The following IQGAP2 variants were observed in gnomAD, a reference collection of about 807,000 sequenced individuals.
The protein encoded by IQGAP2 is ras GTPase-activating-like protein IQGAP2.
A neutral mutation model predicts 201.3 loss-of-function variants in IQGAP2; 173 were observed. The ratio of observed to expected loss-of-function variants is 0.86; its 90% CI spans 0.76 to 0.98. The LOEUF (loss-of-function observed/expected upper bound fraction) is 0.98, where lower values mean the gene tolerates loss of function less well. Among genes scored for constraint, IQGAP2 ranks in the 50% least tolerant of loss-of-function variants. The probability of loss-of-function intolerance (pLI) is 0.00; values close to 1 mark genes in which losing one functional copy is unlikely to be tolerated. For synonymous variants in IQGAP2, 675 were observed against 673.9 expected, an observed-to-expected ratio of 1.00 and a Z score of -0.03; for missense variants, 1,687 against 1,864.8, an observed-to-expected ratio of 0.90 and a Z score of 1.76.
chr5:76,515,430 G>A (rs1355535536), intron 2 of IQGAP2, among the ~76,000 whole-genome samples: 2 of 152,180 alleles, frequency 1.3e-5, no homozygotes, highest in Non-Finnish European at 2.9e-5. Flanking sequence ...AAAATGAGTT[G>A]CATATATCCA....
intron 2 of IQGAP2, among the ~76,000 whole-genome samples, chr5:76,499,084 T>A (rs1242731724): frequency 3.3e-5 from 5 of 152,198 alleles, no homozygotes; most frequent in Non-Finnish European, 5.9e-5. Context: ...TACTGTGACA[T>A]CAAGGATTTG....
chr5:76,630,863 A>G (rs1750639811), intron 14 of IQGAP2, among the ~76,000 whole-genome samples: 1 of 151,836 alleles, frequency 6.6e-6, no homozygotes. Context: ...TCTCCCCTTC[A>G]TCTATATGTG....
chr5:76,575,052 T>C (rs1490542614), intron 4 of IQGAP2, among the ~76,000 whole-genome samples: 2 of 152,122 alleles, frequency 1.3e-5, no homozygotes, highest in Non-Finnish European at 2.9e-5. Context: ...CACATATATA[T>C]AAACCTAAAA....
Position 76,570,604 on chromosome 5 carries a change from A to G in IQGAP2, c.328A>G (p.Thr110Ala), listed in dbSNP as rs1561472025. ...GAAGTCTGGCCTTCATTTTCGACAC[A>G]CAGATAATACCGTCCAGTGGTTAAG... ...YKKSGLHFRHTDNTVQWLRAM... is the reference protein window; with the variant it reads ...YKKSGLHFRHADNTVQWLRAM... The change falls in exon 4 of 36, where the codon ACA (threonine) becomes GCA (alanine). Residue 110 changes from threonine to alanine, a missense_variant. Thr to Ala is a moderately conservative substitution (Grantham distance 58). Transcript: ENST00000274364. The G allele has an allele frequency of 6.2e-7, 1 of 1,613,678 alleles. No individual in the cohort carries two copies. Among genetic ancestry groups the G allele is most frequent in the Non-Finnish European group, 8.5e-7 (1 of 1,179,632 alleles).
rs139640173 is a variant in IQGAP2, at chr5:76,521,033, C to T, written c.147-41363C>T. Among the ~76,000 whole-genome samples the T allele has an allele frequency of 2.0e-3, 306 of 152,260 alleles. 1 individual carries two copies. The highest frequency in any genetic ancestry group is 8.9e-3 in the South Asian group (43 of 4,818). On this transcript the variant is annotated intron_variant, in intron 2 of 35. Coordinates refer to ENST00000274364, the MANE Select transcript of IQGAP2 (RefSeq NM_006633.5). ...AGGTCTCTCCTTTTATCTAGATTGTCTCTGACTTCTTTCATCAGTGTTTTA... is the reference window on the plus strand; with the variant it reads ...AGGTCTCTCCTTTTATCTAGATTGTTTCTGACTTCTTTCATCAGTGTTTTA...
In IQGAP2 at chr5:76,597,586, A is replaced by G. The variant is rs181258165; in HGVS notation, c.1055A>G (p.Gln352Arg). Residue 352 changes from glutamine to arginine, a missense_variant, in exon 10 of 36, where the codon CAG (glutamine) becomes CGG (arginine). Physicochemically the swap from Gln to Arg is conservative, Grantham distance 43. Coordinates refer to ENST00000274364, the MANE Select transcript of IQGAP2 (RefSeq NM_006633.5). ...TATCAGAACGAACTTTTCAACCTCC[A>G]GAAACAGAACACCATGGTAAGTCAG... is the stretch of plus-strand genomic sequence containing the variant. ...AMYQNELFNL[Q>R]KQNTMNYLAH... 3.3e-5 allele frequency: 54 copies of G among 1,613,976 alleles called. No homozygotes were observed. In the East Asian group the frequency reaches 1.1e-3, roughly 32 times the overall value.
chr5:76,467,508 T>C lies in IQGAP2; in HGVS notation c.146+5839T>C, dbSNP rs576558392. On this transcript the variant is annotated intron_variant, in intron 2 of 35. Coordinates refer to ENST00000274364, the MANE Select transcript of IQGAP2 (RefSeq NM_006633.5). ...ACAATAACAAATGTTAGTGAGGATG[T>C]AGAGAAATCAAAACTCATACATTGC... Among the ~76,000 whole-genome samples the C allele has an allele frequency of 1.2e-4, 19 of 152,320 alleles. No individual in the cohort carries two copies. In the South Asian group the frequency reaches 3.3e-3, roughly 27 times the overall value.
Position 76,461,585 on chromosome 5 carries a change from A to C in IQGAP2, c.62A>C (p.Glu21Ala). The C allele has an allele frequency of 6.2e-7, 1 of 1,613,394 alleles. No individual in the cohort carries two copies. The highest frequency in any genetic ancestry group is 1.1e-5 in the South Asian group (1 of 91,066). ...RPRYGSIVDDERLSAEEMDER... is the reference protein window; with the variant it reads ...RPRYGSIVDDARLSAEEMDER... ...CTATTTCTAGCTATTGTGGACGATG[A>C]AAGGCTCTCTGCAGAGGAGATGGAT... The change falls in exon 2 of 36, where the codon GAA becomes GCA. Residue 21 changes from glutamate (E) to alanine (A), a missense_variant. Coordinates refer to ENST00000274364, the MANE Select transcript of IQGAP2 (RefSeq NM_006633.5).
Position 76,707,466 on chromosome 5 carries a change from G to GCAAAAAATGTA in IQGAP2, c.*154_*155insAAAAAATGTAC. ...ACTGTTCTGAAGAATGTACCCAGGT[G>GCAAAAAATGTA]CCTTTTTGCTAATTTGATACTATAA... On this transcript the variant is annotated 3_prime_UTR_variant, in exon 36 of 36. Coordinates refer to ENST00000274364, the MANE Select transcript of IQGAP2 (RefSeq NM_006633.5). 1.6e-6 allele frequency: 1 copy of GCAAAAAATGTA among 609,100 alleles called. No homozygotes were observed. 37.7% of individuals were successfully genotyped at this position (609,100 alleles called of 1,614,324 possible). A position where few individuals can be genotyped will look rare whatever the true frequency, so the allele number is the denominator to read the frequency against.
At chr5:76,423,255 C>T (rs866863122) in intron 1 of IQGAP2, among the ~76,000 whole-genome samples, 1 of 152,110 alleles carries the variant, frequency 6.6e-6, no homozygotes, top group South Asian at 2.1e-4. Flanking sequence ...TGTGCATTGC[C>T]AGGGAAGAAG....
intron 9 of IQGAP2, among the ~76,000 whole-genome samples, chr5:76,594,988 G>C (rs779189371): frequency 7.0e-6 from 1 of 142,300 alleles, no homozygotes; most frequent in Non-Finnish European, 1.6e-5. Context: ...AAAAAAAAAA[G>C]TAAGAATCAT....
rs535989171 is a variant in IQGAP2 at position 76,431,758 on chromosome 5, G to T, written c.46+28167G>T. On this transcript the variant is annotated intron_variant, in intron 1 of 35. Coordinates refer to ENST00000274364, the MANE Select transcript of IQGAP2 (RefSeq NM_006633.5). ...AAATTGCTTGAACCTGGGAGGCGGA[G>T]ATTGCAGTGAGCCGAGATCGCACCA... 1.1e-4 allele frequency among the ~76,000 whole-genome samples: 16 copies of T among 149,632 alleles called. No individual in the cohort carries two copies. The East Asian group carries it at 3.2e-3, about 30-fold the overall frequency.
At chr5:76,703,281 G>A (rs560849874) in intron 35 of IQGAP2, among the ~76,000 whole-genome samples, 32 of 152,058 alleles carry the variant, frequency 2.1e-4, no homozygotes, top group African/African-American at 7.2e-4. Flanking sequence ...TCAGCCTCTC[G>A]AGTAACTGGT....
intron 17 of IQGAP2, among the ~76,000 whole-genome samples, chr5:76,652,043 T>C (rs1752557937): frequency 6.6e-6 from 1 of 152,216 alleles, no homozygotes; most frequent in African/African-American, 2.4e-5. Context: ...ACAAAGATGT[T>C]TCAATAAAAA....
rs778658332 is a variant in IQGAP2 at position 76,631,839 on chromosome 5, CT to C, written c.1613-12del. On this transcript the variant is annotated intron_variant, in intron 14 of 35. Transcript: ENST00000274364. ...GTGGAAGATAACCATTAACAAGAAA[CT>C]TTTTTTTCAATTACCCAGGGGTTAC... is the stretch of plus-strand genomic sequence containing the variant. 1.8e-5 allele frequency: 28 copies of C among 1,526,862 alleles called. No homozygotes were observed. Among genetic ancestry groups the C allele is most frequent in the Admixed American group, 6.1e-5 (3 of 48,784 alleles). 94.6% of individuals were successfully genotyped at this position (1,526,862 alleles called of 1,614,324 possible). A position where few individuals can be genotyped will look rare whatever the true frequency, so the allele number is the denominator to read the frequency against.
chr5:76,576,236 T>TTC (rs1373479714), intron 5 of IQGAP2, among the ~76,000 whole-genome samples: 6 of 152,226 alleles, frequency 3.9e-5, no homozygotes, highest in Non-Finnish European at 5.9e-5. Context: ...TCTTTTGATC[T>TTC]TCTGTTCAAT....
chr5:76,619,516 T>C (rs912504404), intron 13 of IQGAP2, among the ~76,000 whole-genome samples: 4,565 of 61,182 alleles, frequency 0.075, 185 homozygotes, highest in African/African-American at 0.24. Flanking sequence ...AGGATCTTCT[T>C]TTTTTTTTTT....
intron 14 of IQGAP2, among the ~76,000 whole-genome samples, chr5:76,627,784 A>G (rs1021631115): frequency 6.6e-6 from 1 of 152,202 alleles, no homozygotes; most frequent in East Asian, 1.9e-4. Flanking sequence ...CTTGATTTTT[A>G]GAGAACTAGA....
chr5:76,641,485 G>A (rs890598674), intron 17 of IQGAP2, among the ~76,000 whole-genome samples: 1 of 152,144 alleles, frequency 6.6e-6, no homozygotes, highest in South Asian at 2.1e-4. Flanking sequence ...TGCTGTTCTA[G>A]CCTGAAAGAA....
Sources: allele counts gnomAD v4.1 joint callset (sites outside exome capture counted in the v4.1 genomes callset), GRCh38; gene constraint gnomAD v4.1.1; transcripts MANE v1.5; gene names NCBI Gene and HGNC (gene_info 2026-07-23, HGNC 2026-07-21).